TSPOAP1: variants seen among roughly 807,000 people sequenced by gnomAD.
TSPOAP1 encodes the protein TSPO associated protein 1, also known as peripheral-type benzodiazepine receptor-associated protein 1.
TSPOAP1 carries 87 observed loss-of-function variants against 197.0 expected under a neutral mutation model. That is an observed-to-expected ratio of 0.44 (90% CI 0.37 to 0.53). TSPOAP1 has a LOEUF of 0.53. Among genes scored for constraint, TSPOAP1 ranks in the 20% least tolerant of loss-of-function variants. TSPOAP1 has a pLI of 0.00. For missense variants in TSPOAP1, 2,174 were observed against 2,411.3 expected (o/e 0.90, Z 2.06); for synonymous variants, 913 against 998.9 (o/e 0.91, Z 1.62).
intron 17 of TSPOAP1, 58 bp downstream of exon 17, chr17:58,311,834 C>T (rs1304121128): frequency 6.1e-6 from 9 of 1,486,342 alleles, no homozygotes; most frequent in Non-Finnish European, 8.1e-6. Context: ...CCCCTTCTTC[C>T]GTCACCCATG....
At position 58,302,148 on chromosome 17, in the gene TSPOAP1, CCA is replaced by C; in HGVS notation, c.*330_*331del. On this transcript the variant is annotated 3_prime_UTR_variant, in exon 32 of 32. Transcript: ENST00000343736. ...AAGGCTCTTTGATTCCCTCTGAATG[CCA>C]CAGTGTTAACGCAGAAGAACGGGGG... The C allele has an allele frequency of 2.2e-6, 2 of 920,730 alleles. No homozygotes were observed. The highest frequency in any genetic ancestry group is 2.9e-6 in the Non-Finnish European group (2 of 693,874). 57.0% of individuals were successfully genotyped at this position (920,730 alleles called of 1,614,324 possible).
In TSPOAP1 at chr17:58,319,145, TGGGCAGTCTCCAAGGCTCCCACAGTCCA is replaced by T; in HGVS notation, c.1616_1643del (p.Leu539HisfsTer84). ...GAATGGAGCAGCAGCAGGGGGGTGG[TGGGCAGTCTCCAAGGCTCCCACAGTCCA>T]GGGCAGATGTGAGCAGATCCAAGGG... On this transcript the variant is annotated frameshift_variant, in exon 13 of 32. Coordinates refer to ENST00000343736, the MANE Select transcript of TSPOAP1 (RefSeq NM_004758.4). LOFTEE classifies it high-confidence loss of function. 6.4e-7 allele frequency: 1 copy of T among 1,552,622 alleles called. No individual in the cohort carries two copies. Among genetic ancestry groups the T allele is most frequent in the East Asian group, 2.4e-5 (1 of 41,056 alleles).
chr17:58,304,639 G>C lies in TSPOAP1; in HGVS notation c.5545-240C>G. The C allele has an allele frequency of 1.7e-6, 1 of 584,572 alleles. No individual in the cohort carries two copies. Among genetic ancestry groups the C allele is most frequent in the East Asian group, 2.8e-5 (1 of 35,474 alleles). The allele number at this position is 584,572 out of a possible 1,614,324, so 36.2% of individuals were successfully genotyped here. ...AAGGAGAGGCAAGCTCAAGGAACGA[G>C]AACCCAGGAAGCTGGGCCTGGCTGG... On this transcript the variant is annotated intron_variant, in intron 30 of 31. Coordinates refer to ENST00000343736, the MANE Select transcript of TSPOAP1 (RefSeq NM_004758.4). The surrounding 1 kb of genome is among the most constrained non-coding windows in gnomAD (Gnocchi z 4.2).
Position 58,312,047 on chromosome 17 carries a change from G to C in TSPOAP1, c.2774C>G (p.Pro925Arg). Residue 925 changes from proline to arginine, a missense_variant, in exon 17 of 32, where the codon CCC (proline) becomes CGC (arginine). This residue lies in a region of TSPOAP1 where 1,933 missense variants were observed against 2,139.0 expected (regional missense o/e 0.90). Coordinates refer to ENST00000343736, the MANE Select transcript of TSPOAP1 (RefSeq NM_004758.4). Reference protein sequence around the residue: ...LNGEECPPASPSTYWATFCHL... With the variant: ...LNGEECPPASRSTYWATFCHL... ...GCAGAAGGTGGCCCAGTAGGTACTG[G>C]GGCTGGCAGGTGGGCACTCTTCCCC... The C allele has an allele frequency of 6.2e-7, 1 of 1,613,540 alleles. No homozygotes were observed. Among genetic ancestry groups the C allele is most frequent in the Non-Finnish European group, 8.5e-7 (1 of 1,179,954 alleles).
intron 16 of TSPOAP1, among the ~76,000 whole-genome samples, chr17:58,315,104 T>G (rs1050609393): frequency 6.6e-6 from 1 of 152,212 alleles, no homozygotes; most frequent in Admixed American, 6.5e-5. Context: ...AAGTATTATT[T>G]TCCTGAAAGC....
chr17:58,326,728 C>T lies in TSPOAP1; in HGVS notation c.396G>A (p.Glu132=), dbSNP rs751586516. The change falls in exon 2 of 32, where the codon GAG becomes GAA. Residue 132 remains glutamate, a synonymous_variant. Transcript: ENST00000343736. The surrounding 1 kb of genome is among the most constrained non-coding windows in gnomAD (Gnocchi z 4.7). ...TAAGGATGGCACAGCGCTGCCGCAG[C>T]TCCCCCAGGGCCCTCAGCAGCTCCA... ...PNLELLRALG[E]LRQRCAILKE... is the part of the protein sequence containing the mutation. 5.9e-5 allele frequency: 95 copies of T among 1,613,964 alleles called. No homozygotes were observed. The highest frequency in any genetic ancestry group is 7.5e-5 in the Non-Finnish European group (89 of 1,180,014).
intron 10 of TSPOAP1, among the ~76,000 whole-genome samples, chr17:58,321,708 G>T (rs1008747225): frequency 6.6e-6 from 1 of 152,146 alleles, no homozygotes; most frequent in Non-Finnish European, 1.5e-5. Context: ...CCAGGCCACC[G>T]CCCAGGCCCT....
chr17:58,311,521 G>A, intron 18 of TSPOAP1, 50 bp downstream of exon 18: 1 of 1,519,900 alleles, frequency 6.6e-7, no homozygotes, highest in Non-Finnish European at 8.8e-7. Context: ...TCTGAGCATA[G>A]CAAGAAGGGA....
In TSPOAP1 at chr17:58,326,439, A is replaced by G. The variant is rs764141687; in HGVS notation, c.442-18T>C. The stretch of plus-strand genomic sequence containing the variant: ...CTCTTCCTCTGACAAGGGGTCAGGC[A>G]GAATTGGGGCATGTAGGGAGCACCC... On this transcript the variant is annotated intron_variant, in intron 2 of 31. Coordinates refer to ENST00000343736, the MANE Select transcript of TSPOAP1 (RefSeq NM_004758.4). The surrounding 1 kb of genome is among the most constrained non-coding windows in gnomAD (Gnocchi z 4.7). The G allele has an allele frequency of 5.0e-6, 8 of 1,612,814 alleles. No homozygotes were observed. The highest frequency in any genetic ancestry group is 6.8e-6 in the Non-Finnish European group (8 of 1,179,794).
At chr17:58,306,505 T>C (rs1466553364) in intron 25 of TSPOAP1, 92 bp from the exon 26 acceptor site, 44 of 1,237,206 alleles carry the variant, frequency 3.6e-5, no homozygotes, top group Non-Finnish European at 5.0e-5. Context: ...CGTGCTAGGT[T>C]ACTGAGCTTG....
chr17:58,308,433 C>T, intron 22 of TSPOAP1, 108 bp downstream of exon 22: 1 of 1,462,658 alleles, frequency 6.8e-7, no homozygotes, highest in South Asian at 1.5e-5. Context: ...GGCCCCACCT[C>T]TGCTGATGGA....
In TSPOAP1 at chr17:58,312,697, G is replaced by T. The variant is rs1440828802; in HGVS notation, c.2124C>A (p.Gly708=). The T allele has an allele frequency of 3.1e-6, 5 of 1,613,262 alleles. No homozygotes were observed. In the Middle Eastern group the frequency reaches 4.9e-4, roughly 159 times the overall value. Reference sequence around the variant, plus strand: ...GCTCTACAAAATTGGAAGGGACCAGGCCCCTTCGGCCATCCATGAGCTCTC... The same window carrying T: ...GCTCTACAAAATTGGAAGGGACCAGTCCCCTTCGGCCATCCATGAGCTCTC... ...FEGELMDGRR[G]LVPSNFVERV... Residue 708 remains glycine, a synonymous_variant, in exon 17 of 32, where the codon GGC becomes GGA. Transcript: ENST00000343736.
In TSPOAP1 at chr17:58,310,715, C is replaced by T. The variant is rs1971052701; in HGVS notation, c.3496G>A (p.Glu1166Lys). The T allele has an allele frequency of 1.2e-6, 2 of 1,612,846 alleles. No homozygotes were observed. The highest frequency in any genetic ancestry group is 1.7e-6 in the Non-Finnish European group (2 of 1,179,992). The change falls in exon 20 of 32, where the codon GAG becomes AAG. Residue 1166 changes from glutamate to lysine, a missense_variant. Transcript: ENST00000343736. ...AGGGTAGATGTGCTGGCTGTCCTCTCCTCTGAGGTGCCCAGCACTGCTGCC... is the reference window on the plus strand; with the variant it reads ...AGGGTAGATGTGCTGGCTGTCCTCTTCTCTGAGGTGCCCAGCACTGCTGCC... Reference protein sequence around the residue: ...AGAAVLGTSEERTASTSTLGE... With the variant: ...AGAAVLGTSEKRTASTSTLGE...
In TSPOAP1 at chr17:58,309,097, C is replaced by A; in HGVS notation, c.4175G>T (p.Cys1392Phe). ...AACTAATCCAGGCATGTCTTCCAGG[C>A]AGTCTCCAGCCCTGGAGGACTCAGG... Reference protein sequence around the residue: ...LSPESSRAGDCLEDMPGLVGG... With the variant: ...LSPESSRAGDFLEDMPGLVGG... Residue 1392 changes from cysteine (C) to phenylalanine (F), a missense_variant, in exon 22 of 32, where the codon TGC (cysteine) becomes TTC (phenylalanine). Coordinates refer to ENST00000343736, the MANE Select transcript of TSPOAP1 (RefSeq NM_004758.4). This position sits in a 1 kb window ranked among gnomAD's most constrained non-coding sequence, Gnocchi z 5.0. 6.2e-7 allele frequency: 1 copy of A among 1,613,618 alleles called. No individual in the cohort carries two copies. Among genetic ancestry groups the A allele is most frequent in the Non-Finnish European group, 8.5e-7 (1 of 1,180,042 alleles).
In TSPOAP1 at chr17:58,323,521, T is replaced by G. The variant is rs1971463339; in HGVS notation, c.967A>C (p.Asn323His). The G allele has an allele frequency of 6.2e-7, 1 of 1,613,996 alleles. No individual in the cohort carries two copies. The highest frequency in any genetic ancestry group is 1.3e-5 in the African/African-American group (1 of 74,940). ...GGCTCCCCTAGAATCACGGGTAGGT[T>G]GTCCGCATCCTCCTGGGGCGTGGCC... ...GEATPQEDAD[N>H]LPVILGEPEK... The change falls in exon 6 of 32, where the codon AAC becomes CAC. Residue 323 changes from asparagine to histidine, a missense_variant. Asn to His is a moderately conservative substitution (Grantham distance 68). Around this residue, in one of 5 missense-constraint regions of TSPOAP1, gnomAD observed 1,933 missense variants for 2,139.0 expected, o/e 0.90. Coordinates refer to ENST00000343736, the MANE Select transcript of TSPOAP1 (RefSeq NM_004758.4).
In TSPOAP1 at chr17:58,310,016, G is replaced by C; in HGVS notation, c.3842C>G (p.Ser1281Cys). ...GTTGCCAGCAACCTGCTTCTGGAAG[G>C]AGCAAGTCCTGGAACCCAGCTCCTC... is the stretch of plus-strand genomic sequence containing the variant. The part of the protein sequence containing the change: ...EEEELGSRTC[S>C]FQKQVAGNSI... Residue 1281 changes from serine to cysteine, a missense_variant, in exon 21 of 32, where the codon TCC becomes TGC. Transcript: ENST00000343736. 6.2e-7 allele frequency: 1 copy of C among 1,613,712 alleles called. No homozygotes were observed. The highest frequency in any genetic ancestry group is 8.5e-7 in the Non-Finnish European group (1 of 1,179,968).
Position 58,325,721 on chromosome 17 carries a change from G to C in TSPOAP1, c.571-8C>G, listed in dbSNP as rs200507419. The C allele has an allele frequency of 6.3e-7, 1 of 1,599,394 alleles. No individual in the cohort carries two copies. The highest frequency in any genetic ancestry group is 1.3e-5 in the African/African-American group (1 of 74,782). ...GGGCAAGGGGGCACTCACCTAGCCA[G>C]AGGAGGGGTAAGGCCAATGGTCACC... On this transcript the variant is annotated splice_polypyrimidine_tract_variant and splice_region_variant and intron_variant, in intron 3 of 31. Coordinates refer to ENST00000343736, the MANE Select transcript of TSPOAP1 (RefSeq NM_004758.4).
intron 15 of TSPOAP1, 42 bp downstream of exon 15, chr17:58,316,383 T>C: frequency 6.4e-7 from 1 of 1,553,750 alleles, no homozygotes; most frequent in Non-Finnish European, 8.8e-7. Context: ...ATACCCCAAA[T>C]GCTGGGGCTG....
intron 22 of TSPOAP1, among the ~76,000 whole-genome samples, chr17:58,308,179 G>C (rs1268943083): frequency 6.6e-6 from 1 of 152,226 alleles, no homozygotes; most frequent in Non-Finnish European, 1.5e-5. Flanking sequence ...GAGGGGACTG[G>C]AGTTGGCTGA....
Sources: allele counts gnomAD v4.1 joint callset (sites outside exome capture counted in the v4.1 genomes callset), GRCh38; gene constraint gnomAD v4.1.1; regional missense constraint gnomAD v4.1.1; non-coding constraint Gnocchi (gnomAD v3.1); transcripts MANE v1.5; gene names NCBI Gene and HGNC (gene_info 2026-07-23, HGNC 2026-07-21).